Variants in NEK11 observed in about 807,000 individuals in gnomAD.
NEK11 encodes serine/threonine-protein kinase Nek11.
NEK11 carries 72 observed loss-of-function variants against 80.7 expected under a neutral mutation model. The ratio of observed to expected loss-of-function variants is 0.89; its 90% CI spans 0.74 to 1.08. The LOEUF (loss-of-function observed/expected upper bound fraction) is 1.08, where lower values mean the gene tolerates loss of function less well. Ranked by LOEUF, NEK11 falls within the 50% of genes least tolerant of loss-of-function variation. The pLI is 0.00. For synonymous variants in NEK11, 251 were observed against 260.7 expected (o/e 0.96, Z 0.36); for missense variants, 764 against 763.6 (o/e 1.00, Z -0.01).
At chr3:131,226,210 C>T (rs887338024) in intron 14 of NEK11, among the ~76,000 whole-genome samples, 2 of 152,128 alleles carry the variant, frequency 1.3e-5, no homozygotes, top group Non-Finnish European at 2.9e-5. Context: ...TCATTCCACT[C>T]AGCAAGCACA....
intron 16 of NEK11, among the ~76,000 whole-genome samples, chr3:131,258,799 A>G (rs2095861933): frequency 6.6e-6 from 1 of 152,190 alleles, no homozygotes; most frequent in South Asian, 2.1e-4. Context: ...TCTGGTATTT[A>G]TCATATTTCC....
At chr3:131,324,560 T>C (rs1055916027) in intron 17 of NEK11, among the ~76,000 whole-genome samples, 23 of 152,302 alleles carry the variant, frequency 1.5e-4, no homozygotes, top group Middle Eastern at 3.4e-3. Flanking sequence ...TGTGGTGAAA[T>C]TGACTCTTCA....
chr3:131,230,283 G>C (rs1451644521), intron 15 of NEK11, among the ~76,000 whole-genome samples: 2 of 152,046 alleles, frequency 1.3e-5, no homozygotes, highest in Non-Finnish European at 2.9e-5. Flanking sequence ...TCCATCTTTG[G>C]CACTTAGAAT....
At chr3:131,296,508 C>G (rs942277189) in intron 17 of NEK11, among the ~76,000 whole-genome samples, 5 of 152,106 alleles carry the variant, frequency 3.3e-5, no homozygotes, top group Non-Finnish European at 1.5e-5. Context: ...AACAAATTCC[C>G]TCAATTTTTG....
chr3:131,195,852 T>C (rs542996644), intron 14 of NEK11, among the ~76,000 whole-genome samples: 3 of 146,298 alleles, frequency 2.1e-5, no homozygotes, highest in African/African-American at 5.2e-5. Flanking sequence ...ACCCTATTGG[T>C]ATGTAAGTTT....
chr3:131,042,703 T>C (rs941491113), intron 3 of NEK11, among the ~76,000 whole-genome samples: 4 of 152,124 alleles, frequency 2.6e-5, no homozygotes, highest in Non-Finnish European at 5.9e-5. Flanking sequence ...ACTTAAACGT[T>C]CCTGCCTGCT....
chr3:131,223,310 A>G (rs961933090), intron 14 of NEK11, among the ~76,000 whole-genome samples: 1 of 152,180 alleles, frequency 6.6e-6, no homozygotes, highest in African/African-American at 2.4e-5. Context: ...AGTGGTGCTT[A>G]CTTAAGAAAT....
rs373600446 is a variant in NEK11 at position 131,090,558 on chromosome 3, A to T, written c.336+9970A>T. ...AGATATTGTAATAAGAATTTCTTAG[A>T]CCAACGCATTACATTTCATCAAAAA... On this transcript the variant is annotated intron_variant, in intron 4 of 17. Coordinates refer to ENST00000383366, the MANE Select transcript of NEK11 (RefSeq NM_024800.5). 2.6e-4 allele frequency among the ~76,000 whole-genome samples: 39 copies of T among 152,372 alleles called. No individual in the cohort carries two copies. In the East Asian group the frequency reaches 6.9e-3, roughly 27 times the overall value.
intron 4 of NEK11, among the ~76,000 whole-genome samples, chr3:131,090,906 A>C (rs1286785742): frequency 6.6e-6 from 1 of 152,166 alleles, no homozygotes; most frequent in Admixed American, 6.5e-5. Flanking sequence ...CTGAGAATAT[A>C]GGCATGACAC....
intron 14 of NEK11, among the ~76,000 whole-genome samples, chr3:131,185,390 G>C (rs1237851502): frequency 6.6e-6 from 1 of 152,060 alleles, no homozygotes; most frequent in Non-Finnish European, 1.5e-5. Flanking sequence ...AAACAGACTG[G>C]GCAAGAAGAG....
chr3:131,175,695 T>C (rs2092968259), intron 14 of NEK11, among the ~76,000 whole-genome samples: 1 of 152,204 alleles, frequency 6.6e-6, no homozygotes, highest in African/African-American at 2.4e-5. Flanking sequence ...GCTACCCAGA[T>C]GTGTAAATTT....
chr3:131,039,053 G>A (rs1441702647), intron 3 of NEK11, among the ~76,000 whole-genome samples: 1 of 152,134 alleles, frequency 6.6e-6, no homozygotes, highest in Admixed American at 6.5e-5. Context: ...AATTTTTAAA[G>A]TGCAAGATTT....
intron 3 of NEK11, among the ~76,000 whole-genome samples, chr3:131,043,305 G>T (rs918153309): frequency 6.7e-6 from 1 of 150,204 alleles, no homozygotes; most frequent in Middle Eastern, 3.5e-3. Flanking sequence ...GGATAATAAT[G>T]AACTCCTCCG....
At chr3:131,164,818 C>T (rs1198476240) in intron 11 of NEK11, among the ~76,000 whole-genome samples, 1 of 151,930 alleles carries the variant, frequency 6.6e-6, no homozygotes, top group East Asian at 1.9e-4. Flanking sequence ...TATAATGTAC[C>T]CGTTTTAGAG....
At position 131,051,443 on chromosome 3, in the gene NEK11, A is replaced by G. The variant is rs57398309; in HGVS notation, c.170+21565A>G. 9.1e-3 allele frequency among the ~76,000 whole-genome samples: 1,387 copies of G among 152,338 alleles called. 14 individuals carry two copies. Among genetic ancestry groups the G allele is most frequent in the African/African-American group, 0.027 (1,103 of 41,578 alleles). Reference sequence around the variant, plus strand: ...TAAAATACCCCGGCCTGTAGATAAAAATCCCAAACTGTCAAACAAGTACTT... The same window carrying G: ...TAAAATACCCCGGCCTGTAGATAAAGATCCCAAACTGTCAAACAAGTACTT... On this transcript the variant is annotated intron_variant, in intron 3 of 17. Coordinates refer to ENST00000383366, the MANE Select transcript of NEK11 (RefSeq NM_024800.5).
chr3:131,292,921 G>C (rs1023323854), intron 17 of NEK11, among the ~76,000 whole-genome samples: 11 of 152,154 alleles, frequency 7.2e-5, no homozygotes, highest in African/African-American at 2.7e-4. Flanking sequence ...AAAAGTGATT[G>C]ACCTTTGTAT....
At position 131,281,544 on chromosome 3, in the gene NEK11, C is replaced by T. The variant is rs536695266; in HGVS notation, c.1718+7970C>T. On this transcript the variant is annotated intron_variant, in intron 17 of 17. Transcript: ENST00000383366. ...GAGTATTTGCAGTCTTTCGCTAGTA[C>T]GAATAGTGCTGTAATTAATAGCCTT... Among the ~76,000 whole-genome samples the T allele has an allele frequency of 2.6e-5, 4 of 152,300 alleles. No individual in the cohort carries two copies. The South Asian group carries it at 6.2e-4, about 24-fold the overall frequency.
At chr3:131,302,482 C>T (rs932771844) in intron 17 of NEK11, among the ~76,000 whole-genome samples, 1 of 152,084 alleles carries the variant, frequency 6.6e-6, no homozygotes, top group Non-Finnish European at 1.5e-5. Context: ...TTGATGTGAA[C>T]ATCTAGCACT....
chr3:131,214,784 G>A (rs77559166), intron 14 of NEK11, among the ~76,000 whole-genome samples: 2,254 of 151,560 alleles, frequency 0.015, 55 homozygotes, highest in African/African-American at 0.052. Flanking sequence ...ACTTAGAGAG[G>A]CACTTACAGC....
Sources: allele counts gnomAD v4.1 joint callset (sites outside exome capture counted in the v4.1 genomes callset), GRCh38; gene constraint gnomAD v4.1.1; transcripts MANE v1.5; gene names NCBI Gene and HGNC (gene_info 2026-07-23, HGNC 2026-07-21).